The following SLC25A48 variants were observed in gnomAD, a reference collection of about 807,000 sequenced individuals.
SLC25A48 encodes the protein CTC-321K16.1.
SLC25A48 carries 29 observed loss-of-function variants against 32.2 expected under a neutral mutation model. That is an observed-to-expected ratio of 0.90 (90% CI 0.67 to 1.23). The LOEUF (loss-of-function observed/expected upper bound fraction) is 1.23. SLC25A48 is among the 50% of genes most tolerant of loss of function. The pLI is 0.00. For missense variants in SLC25A48, 399 were observed against 422.7 expected, an observed-to-expected ratio of 0.94 and a Z score of 0.49; for synonymous variants, 164 against 172.3, an observed-to-expected ratio of 0.95 and a Z score of 0.38.
chr5:135,758,459 G>T (rs1466282725), intron 3 of SLC25A48, among the ~76,000 whole-genome samples: 1 of 150,640 alleles, frequency 6.6e-6, no homozygotes, highest in African/African-American at 2.4e-5. Flanking sequence ...AATAGAATAT[G>T]ATCTCTATGA....
intron 3 of SLC25A48, among the ~76,000 whole-genome samples, chr5:135,771,809 TAG>T (rs1491367666): frequency 1.3e-5 from 2 of 150,614 alleles, no homozygotes; most frequent in South Asian, 2.1e-4. Flanking sequence ...TTGTAATATT[TAG>T]GGGGGGGAGA....
chr5:135,841,941 A>G (rs1215430138), intron 1 of SLC25A48, among the ~76,000 whole-genome samples: 2 of 152,146 alleles, frequency 1.3e-5, no homozygotes, highest in Non-Finnish European at 2.9e-5. Flanking sequence ...GAAATAATCA[A>G]TGCACCCATC....
At chr5:135,615,694 T>TAGTTTGCATAACTGA (rs773696939) in intron 1 of SLC25A48, among the ~76,000 whole-genome samples, 4 of 152,352 alleles carry the variant, frequency 2.6e-5, no homozygotes, top group South Asian at 2.1e-4. Context: ...GCCAGCTGCA[T>TAGTTTGCATAACTGA]AGTTTGCATA....
At chr5:135,845,178 G>C (rs1281746126) in intron 2 of SLC25A48, among the ~76,000 whole-genome samples, 1 of 152,250 alleles carries the variant, frequency 6.6e-6, no homozygotes, top group African/African-American at 2.4e-5. Flanking sequence ...CCAGCTTCCA[G>C]TGCCTGCTGC....
intron 2 of SLC25A48, among the ~76,000 whole-genome samples, chr5:135,632,515 C>A (rs1752600592): frequency 6.6e-6 from 1 of 152,078 alleles, no homozygotes. Flanking sequence ...TAGTTTCTGG[C>A]CAGAAAACAG....
At chr5:135,886,646 ATATGTG>A (rs1762737054) in intron 7 of SLC25A48, among the ~76,000 whole-genome samples, 1 of 36,446 alleles carries the variant, frequency 2.7e-5, no homozygotes, top group African/African-American at 1.9e-4. Context: ...TAAAATATAT[ATATGTG>A]TGTGTGTGTG....
At chr5:135,854,670 C>T (rs1580998003) in intron 4 of SLC25A48, among the ~76,000 whole-genome samples, 1 of 152,206 alleles carries the variant, frequency 6.6e-6, no homozygotes, top group Admixed American at 6.5e-5. Context: ...ATCCAGACTA[C>T]TCAAACTTTC....
At chr5:135,656,168 G>A (rs1056869639) in intron 3 of SLC25A48, among the ~76,000 whole-genome samples, 2 of 152,106 alleles carry the variant, frequency 1.3e-5, no homozygotes, top group Admixed American at 6.5e-5. Flanking sequence ...AAATAAGCTC[G>A]GCTTCAAGAC....
At chr5:135,748,668 T>G (rs1755697859) in intron 3 of SLC25A48, among the ~76,000 whole-genome samples, 2 of 152,142 alleles carry the variant, frequency 1.3e-5, no homozygotes, top group African/African-American at 4.8e-5. Context: ...CTGGAACTCT[T>G]CTGACCACAG....
intron 3 of SLC25A48, among the ~76,000 whole-genome samples, chr5:135,703,953 A>G (rs1382858502): frequency 6.6e-6 from 1 of 152,144 alleles, no homozygotes; most frequent in Non-Finnish European, 1.5e-5. Flanking sequence ...ACAATGCCAG[A>G]CTCAGTGTTT....
At chr5:135,857,590 G>A (rs1232812924) in intron 4 of SLC25A48, among the ~76,000 whole-genome samples, 1 of 152,256 alleles carries the variant, frequency 6.6e-6, no homozygotes, top group Non-Finnish European at 1.5e-5. Context: ...TGCTGAGAAT[G>A]CAGTGGTGAA....
intron 4 of SLC25A48, among the ~76,000 whole-genome samples, chr5:135,864,177 G>T (rs1761018605): frequency 6.6e-6 from 1 of 152,190 alleles, no homozygotes; most frequent in South Asian, 2.1e-4. Context: ...CCAAGAATCT[G>T]CATGGTGACA....
At chr5:135,728,380 C>G (rs908585099) in intron 3 of SLC25A48, among the ~76,000 whole-genome samples, 4 of 151,990 alleles carry the variant, frequency 2.6e-5, no homozygotes, top group African/African-American at 9.7e-5. Context: ...TGTATACAAC[C>G]TATATAGACT....
chr5:135,863,457 C>A (rs78399522), intron 4 of SLC25A48, among the ~76,000 whole-genome samples: 1,705 of 152,266 alleles, frequency 0.011, 23 homozygotes, highest in African/African-American at 0.037. Flanking sequence ...TAGATGCAAA[C>A]ACCAAGCGAG....
At chr5:135,864,505 G>C (rs11954884) in intron 4 of SLC25A48, among the ~76,000 whole-genome samples, 2 of 152,086 alleles carry the variant, frequency 1.3e-5, no homozygotes, top group African/African-American at 4.8e-5. Flanking sequence ...CATGAAAAGG[G>C]ACCCAAAATC....
At chr5:135,742,061 GT>G (rs558685636) in intron 3 of SLC25A48, among the ~76,000 whole-genome samples, 1 of 152,074 alleles carries the variant, frequency 6.6e-6, no homozygotes, top group Non-Finnish European at 1.5e-5. Context: ...TAAGGAATCA[GT>G]TTTTTTAATT....
At chr5:135,859,897 T>C (rs1760644847) in intron 4 of SLC25A48, among the ~76,000 whole-genome samples, 1 of 152,086 alleles carries the variant, frequency 6.6e-6, no homozygotes. Flanking sequence ...GCAGGAGTAA[T>C]TGGGGAAGTT....
chr5:135,815,042 C>T (rs2126654508), intron 4 of SLC25A48, among the ~76,000 whole-genome samples: 1 of 152,350 alleles, frequency 6.6e-6, no homozygotes, highest in Non-Finnish European at 1.5e-5. Flanking sequence ...GAATTATGTG[C>T]ATTTCCTCTT....
intron 4 of SLC25A48, among the ~76,000 whole-genome samples, chr5:135,856,109 C>A (rs1187995156): frequency 2.6e-5 from 4 of 152,200 alleles, no homozygotes; most frequent in African/African-American, 9.6e-5. Flanking sequence ...AGACGTATTT[C>A]AGTACCTTGA....
Sources: allele counts gnomAD v4.1 joint callset (sites outside exome capture counted in the v4.1 genomes callset), GRCh38; gene constraint gnomAD v4.1.1; transcripts MANE v1.5; gene names NCBI Gene and HGNC (gene_info 2026-07-23, HGNC 2026-07-21).